The following DNMT3B variants were observed in gnomAD, a reference collection of about 807,000 sequenced individuals.
The protein encoded by DNMT3B is DNA methyltransferase 3 beta, also known as DNA (cytosine-5)-methyltransferase 3B.
DNMT3B carries 37 observed loss-of-function variants against 120.2 expected under a neutral mutation model. The ratio of observed to expected loss-of-function variants is 0.31; its 90% CI spans 0.24 to 0.40. The LOEUF is 0.40. Among genes scored for constraint, DNMT3B ranks in the 10% least tolerant of loss-of-function variants. The pLI is 1.00. For missense variants in DNMT3B, 878 were observed against 1,137.3 expected, an observed-to-expected ratio of 0.77 and a Z score of 3.28; for synonymous variants, 412 against 442.8, an observed-to-expected ratio of 0.93 and a Z score of 0.87.
At chr20:32,765,786 G>T (rs1388451183) in intron 1 of DNMT3B, among the ~76,000 whole-genome samples, 12 of 96,602 alleles carry the variant, frequency 1.2e-4, no homozygotes, top group South Asian at 6.9e-4. Context: ...GACGGAGTCT[G>T]GCTCTGTCTC....
chr20:32,806,163 G>C (rs900017119), intron 21 of DNMT3B, 46 bp from the exon 22 acceptor site: 1 of 1,574,564 alleles, frequency 6.4e-7, no homozygotes, highest in African/African-American at 1.4e-5. Context: ...GACTCCCCAG[G>C]TCCCTTCATT....
In DNMT3B at chr20:32,765,715, C is replaced by T. The variant is rs112589229; in HGVS notation, c.-7+3016C>T. 7.4e-5 allele frequency among the ~76,000 whole-genome samples: 11 copies of T among 148,702 alleles called. No homozygotes were observed. In the East Asian group the frequency reaches 9.9e-4, roughly 13 times the overall value. ...GGATTGTAGGCGTGGCTGTTACACCCGGCTGCTTTTTATTTATTTATTTAT... is the reference window on the plus strand; with the variant it reads ...GGATTGTAGGCGTGGCTGTTACACCTGGCTGCTTTTTATTTATTTATTTAT... On this transcript the variant is annotated intron_variant, in intron 1 of 22. Coordinates refer to ENST00000328111, the MANE Select transcript of DNMT3B (RefSeq NM_006892.4).
chr20:32,778,244 G>C (rs1988166941), intron 1 of DNMT3B, among the ~76,000 whole-genome samples: 1 of 152,166 alleles, frequency 6.6e-6, no homozygotes, highest in African/African-American at 2.4e-5. Flanking sequence ...GCTGAGGCAG[G>C]AGAATCGCTT....
chr20:32,767,422 T>A (rs1028797931), intron 1 of DNMT3B, among the ~76,000 whole-genome samples: 1 of 151,636 alleles, frequency 6.6e-6, no homozygotes, highest in African/African-American at 2.4e-5. Flanking sequence ...AGCTCTTGTG[T>A]GTGTTTTTTT....
chr20:32,807,059 C>T (rs553188801), intron 22 of DNMT3B, among the ~76,000 whole-genome samples: 2 of 152,300 alleles, frequency 1.3e-5, no homozygotes, highest in African/African-American at 2.4e-5. Context: ...TGGACCTAAA[C>T]CTAAAATGGT....
At chr20:32,780,250 C>T (rs1216158438) in intron 1 of DNMT3B, 68 bp from the exon 2 acceptor site, 84 of 1,612,946 alleles carry the variant, frequency 5.2e-5, no homozygotes, top group Middle Eastern at 1.6e-4. Flanking sequence ...GAGCCCATGG[C>T]GGGGGAACAC....
chr20:32,780,592 C>G, intron 2 of DNMT3B, 127 bp downstream of exon 2: 1 of 1,448,108 alleles, frequency 6.9e-7, no homozygotes, highest in Non-Finnish European at 9.2e-7. Context: ...GGGAAGAGAG[C>G]TCTAGCAAGG....
chr20:32,798,764 A>G (rs1980966949), intron 15 of DNMT3B, 121 bp downstream of exon 15: 28 of 1,416,768 alleles, frequency 2.0e-5, no homozygotes, highest in South Asian at 3.7e-5. Flanking sequence ...TGGAGCCTCA[A>G]TGGCTGAGAG....
intron 16 of DNMT3B, 132 bp downstream of exon 16, chr20:32,799,460 A>G: frequency 1.0e-6 from 1 of 989,538 alleles, no homozygotes; most frequent in Non-Finnish European, 1.5e-6. Flanking sequence ...CCTGAAAAAA[A>G]CCCTGTCTCC....
chr20:32,797,501 C>T (rs1037634738), intron 14 of DNMT3B, among the ~76,000 whole-genome samples: 1 of 152,156 alleles, frequency 6.6e-6, no homozygotes, highest in African/African-American at 2.4e-5. Flanking sequence ...GTATAGGGAA[C>T]GGCTCTTTTT....
chr20:32,796,752 C>T, intron 12 of DNMT3B, 38 bp from the exon 13 acceptor site: 1 of 1,612,418 alleles, frequency 6.2e-7, no homozygotes, highest in Non-Finnish European at 8.5e-7. Flanking sequence ...GTGTCAGGGC[C>T]TCAACTGCCA....
chr20:32,791,893 T>C (rs1467934321), intron 8 of DNMT3B, among the ~76,000 whole-genome samples, 185 bp downstream of exon 8: 3 of 152,134 alleles, frequency 2.0e-5, no homozygotes, highest in South Asian at 2.1e-4. Flanking sequence ...ATTTGAGACA[T>C]CCCAGCTGCC....
chr20:32,762,556 A>G lies in DNMT3B; in HGVS notation c.-150A>G, dbSNP rs1218634441. The G allele has an allele frequency of 5.6e-6, 2 of 354,214 alleles. No homozygotes were observed. Among genetic ancestry groups the G allele is most frequent in the Non-Finnish European group, 1.2e-5 (2 of 172,840 alleles). 21.9% of individuals were successfully genotyped at this position (354,214 alleles called of 1,614,324 possible). On this transcript the variant is annotated 5_prime_UTR_variant, in exon 1 of 23. Transcript: ENST00000328111. ...TGCCCGGCCGGCAGCGCTGGGGTTA[A>G]GTGGCCCAAGTAAACCTAGCTCGGC... is the stretch of plus-strand genomic sequence containing the variant.
At chr20:32,781,902 T>C (rs1978669400) in intron 3 of DNMT3B, among the ~76,000 whole-genome samples, 1 of 152,210 alleles carries the variant, frequency 6.6e-6, no homozygotes, top group South Asian at 2.1e-4. Context: ...ACAGTGGTTG[T>C]GTTCAAGTAG....
intron 18 of DNMT3B, 23 bp from the exon 19 acceptor site, chr20:32,801,255 G>A (rs758094532): frequency 6.8e-6 from 11 of 1,614,116 alleles, no homozygotes; most frequent in Admixed American, 3.3e-5. Context: ...TGAACCCTGC[G>A]CTGTCATCTT....
chr20:32,783,799 C>T (rs1978912452), intron 3 of DNMT3B, among the ~76,000 whole-genome samples: 1 of 152,198 alleles, frequency 6.6e-6, no homozygotes, highest in Non-Finnish European at 1.5e-5. Context: ...GATCTCGGCT[C>T]ACTGCAACCT....
Position 32,791,695 on chromosome 20 carries a change from A to C in DNMT3B, c.908A>C (p.Tyr303Ser), listed in dbSNP as rs1979988585. 3 of 1,614,002 alleles carry C rather than the reference A, an allele frequency of 1.9e-6. No individual in the cohort carries two copies. The highest frequency in any genetic ancestry group is 2.5e-6 in the Non-Finnish European group (3 of 1,179,900). The change falls in exon 8 of 23, where the codon TAC becomes TCC. Residue 303 changes from tyrosine (Y) to serine (S), a missense_variant. Tyr to Ser is a moderately radical substitution (Grantham distance 144). This residue lies in a region of DNMT3B where 207 missense variants were observed against 222.6 expected (regional missense o/e 0.93). Transcript: ENST00000328111. ...CTCGTCTCCTATCGAAAAGCCATGT[A>C]CCATGCTCTGGAGGTAACATGGGAT... ...NKLVSYRKAM[Y>S]HALEKARVRA...
At chr20:32,795,566 G>T in intron 11 of DNMT3B, 32 bp downstream of exon 11, 3 of 1,614,198 alleles carry the variant, frequency 1.9e-6, no homozygotes, top group Non-Finnish European at 2.5e-6. Context: ...TCATGGGACA[G>T]ATGGGAGGAG....
Position 32,787,501 on chromosome 20 carries a change from G to A in DNMT3B, c.654+50G>A, listed in dbSNP as rs550241301. 69 of 1,581,590 alleles carry A rather than the reference G, an allele frequency of 4.4e-5. No individual in the cohort carries two copies. In the Middle Eastern group the frequency reaches 8.6e-4, roughly 20 times the overall value. ...CAGGGTGACTGAGGACCCTGAACAC[G>A]GGGAAAAACCAGTTACCTGCTACTG... On this transcript the variant is annotated intron_variant, in intron 6 of 22. Coordinates refer to ENST00000328111, the MANE Select transcript of DNMT3B (RefSeq NM_006892.4).
Sources: gnomAD v4.1 joint callset for allele counts (sites outside exome capture counted in the v4.1 genomes callset) on GRCh38, gnomAD v4.1.1 for gene constraint, gnomAD v4.1.1 regional missense constraint, MANE v1.5 for transcripts, NCBI Gene and HGNC (gene_info 2026-07-23, HGNC 2026-07-21) for gene names.